RAPGEF5: variants seen among roughly 807,000 people sequenced by gnomAD.
The protein encoded by RAPGEF5 is Rap guanine nucleotide exchange factor 5.
RAPGEF5 carries 65 observed loss-of-function variants against 125.2 expected under a neutral mutation model. That is an observed-to-expected ratio of 0.52 (90% CI 0.43 to 0.64). The LOEUF is 0.64. RAPGEF5 is among the 30% of genes least tolerant of loss of function. The pLI is 0.00. For missense variants in RAPGEF5, 958 were observed against 1,048.1 expected (o/e 0.91, Z 1.19); for synonymous variants, 391 against 385.9 (o/e 1.01, Z -0.16).
chr7:22,321,137 C>T (rs1277224573), intron 1 of RAPGEF5, among the ~76,000 whole-genome samples: 1 of 152,122 alleles, frequency 6.6e-6, no homozygotes, highest in East Asian at 1.9e-4. Context: ...ATGTATTTCT[C>T]CTTTCCATTT....
intron 17 of RAPGEF5, among the ~76,000 whole-genome samples, chr7:22,152,882 T>C (rs139568951): frequency 0.024 from 3,600 of 152,324 alleles, 49 homozygotes; most frequent in Middle Eastern, 0.065. Context: ...TAATGGCACA[T>C]TGCCAAATCT....
chr7:22,135,967 G>T, intron 23 of RAPGEF5, 71 bp downstream of exon 23: 6 of 1,208,922 alleles, frequency 5.0e-6, no homozygotes, highest in East Asian at 2.4e-5. Context: ...TCCCTTTTTT[G>T]CCCTCAATAG....
intron 6 of RAPGEF5, among the ~76,000 whole-genome samples, chr7:22,274,296 T>C (rs1330297967): frequency 1.3e-5 from 2 of 152,146 alleles, no homozygotes; most frequent in Non-Finnish European, 2.9e-5. Context: ...AAAGTCCCAC[T>C]TAGTGGCTCA....
chr7:22,196,741 C>A (rs1468655434), intron 9 of RAPGEF5, among the ~76,000 whole-genome samples: 4 of 152,180 alleles, frequency 2.6e-5, no homozygotes, highest in Admixed American at 6.5e-5. Context: ...TATGAAGGAG[C>A]GGCTTTGGTG....
chr7:22,207,677 T>C (rs1785427132), intron 9 of RAPGEF5, among the ~76,000 whole-genome samples: 1 of 152,214 alleles, frequency 6.6e-6, no homozygotes, highest in Non-Finnish European at 1.5e-5. Flanking sequence ...TGTAAACCTC[T>C]TCCAGATGAA....
chr7:22,315,558 T>TATGA, intron 2 of RAPGEF5, 82 bp from the exon 3 acceptor site: 1 of 577,774 alleles, frequency 1.7e-6, no homozygotes, highest in Non-Finnish European at 2.2e-6. Context: ...TATATATATA[T>TATGA]ATATATATAT....
chr7:22,172,791 T>C (rs553902835), intron 11 of RAPGEF5, among the ~76,000 whole-genome samples: 4 of 152,338 alleles, frequency 2.6e-5, no homozygotes, highest in Admixed American at 1.3e-4. Context: ...ACTAGAAGTA[T>C]AGCGTTACGT....
intron 25 of RAPGEF5, among the ~76,000 whole-genome samples, chr7:22,122,903 C>T (rs932938603): frequency 6.6e-6 from 1 of 152,174 alleles, no homozygotes; most frequent in Non-Finnish European, 1.5e-5. Context: ...ACAGCAGTTA[C>T]CTGTTTAAAT....
At chr7:22,174,662 T>C (rs1016308131) in intron 11 of RAPGEF5, among the ~76,000 whole-genome samples, 1 of 152,212 alleles carries the variant, frequency 6.6e-6, no homozygotes. Context: ...AGGAAATTCC[T>C]GAAGGATCTT....
At chr7:22,243,332 C>T (rs930922521) in intron 7 of RAPGEF5, among the ~76,000 whole-genome samples, 5 of 152,228 alleles carry the variant, frequency 3.3e-5, no homozygotes, top group Non-Finnish European at 7.3e-5. Flanking sequence ...TCTCAGCTCA[C>T]TGCAACCACT....
At chr7:22,301,727 T>A (rs1783209813) in intron 5 of RAPGEF5, among the ~76,000 whole-genome samples, 1 of 151,916 alleles carries the variant, frequency 6.6e-6, no homozygotes, top group African/African-American at 2.4e-5. Context: ...AAGACAGGAA[T>A]AACCTATAAC....
chr7:22,125,028 T>C (rs1036274539), intron 25 of RAPGEF5, among the ~76,000 whole-genome samples: 3 of 152,204 alleles, frequency 2.0e-5, no homozygotes, highest in Non-Finnish European at 2.9e-5. Context: ...GTATAAATTA[T>C]GGCTGAGATT....
chr7:22,141,855 T>C (rs1004235795), intron 20 of RAPGEF5, among the ~76,000 whole-genome samples: 2 of 152,184 alleles, frequency 1.3e-5, no homozygotes, highest in African/African-American at 4.8e-5. Context: ...TCGACCCCAC[T>C]TGGTATATTC....
chr7:22,173,563 TG>T (rs1436499998), intron 11 of RAPGEF5, among the ~76,000 whole-genome samples: 7 of 152,206 alleles, frequency 4.6e-5, no homozygotes. Context: ...AGACAGGGCT[TG>T]GGGACACTCT....
chr7:22,213,909 C>A (rs1234678792), intron 9 of RAPGEF5, among the ~76,000 whole-genome samples: 2 of 152,128 alleles, frequency 1.3e-5, no homozygotes, highest in Non-Finnish European at 2.9e-5. Flanking sequence ...AATGATCAAA[C>A]CTCTTTTCCT....
intron 20 of RAPGEF5, 75 bp downstream of exon 20, chr7:22,144,969 A>C: frequency 6.9e-7 from 1 of 1,444,358 alleles, no homozygotes; most frequent in Non-Finnish European, 9.3e-7. Flanking sequence ...TATCATCATA[A>C]GAAAGAAAGA....
chr7:22,211,963 CTTTT>C (rs749576250), intron 9 of RAPGEF5, among the ~76,000 whole-genome samples: 6 of 114,340 alleles, frequency 5.2e-5, no homozygotes, highest in Admixed American at 9.8e-5. Context: ...CATGTGTTCT[CTTTT>C]TTTTTTTTTT....
intron 7 of RAPGEF5, among the ~76,000 whole-genome samples, chr7:22,239,311 G>GA (rs1786265616): frequency 6.6e-6 from 1 of 152,158 alleles, no homozygotes; most frequent in Admixed American, 6.5e-5. Context: ...TGGTTCTATA[G>GA]AAAAAGATAA....
intron 9 of RAPGEF5, among the ~76,000 whole-genome samples, chr7:22,207,245 T>C (rs1490121843): frequency 6.6e-6 from 1 of 152,198 alleles, no homozygotes; most frequent in Non-Finnish European, 1.5e-5. Context: ...TGGAAAGTGG[T>C]TGGGTAAAAA....
Sources: gnomAD v4.1 joint callset for allele counts (sites outside exome capture counted in the v4.1 genomes callset) on GRCh38, gnomAD v4.1.1 for gene constraint, MANE v1.5 for transcripts, NCBI Gene and HGNC (gene_info 2026-07-23, HGNC 2026-07-21) for gene names.